The following GABRA2 variants were observed in gnomAD, a reference collection of about 807,000 sequenced individuals.
The protein encoded by GABRA2 is gamma-aminobutyric acid type A receptor subunit alpha2, also known as gamma-aminobutyric acid receptor subunit alpha-2.
In GABRA2, 16 loss-of-function variants were observed where a neutral mutation model predicts 48.7. The ratio of observed to expected loss-of-function variants is 0.33; its 90% CI spans 0.22 to 0.50. The LOEUF (loss-of-function observed/expected upper bound fraction) is 0.50. Among genes scored for constraint, GABRA2 ranks in the 20% least tolerant of loss-of-function variants. GABRA2 has a pLI of 0.98. For synonymous variants in GABRA2, 185 were observed against 184.5 expected, an observed-to-expected ratio of 1.00 and a Z score of -0.02; for missense variants, 275 against 535.6, an observed-to-expected ratio of 0.51 and a Z score of 4.80.
intron 8 of GABRA2, among the ~76,000 whole-genome samples, chr4:46,273,000 C>A (rs776647945): frequency 2.0e-5 from 3 of 151,930 alleles, no homozygotes; most frequent in Admixed American, 6.6e-5. Context: ...CACCCATCAA[C>A]CCATCATCTA....
In GABRA2 at chr4:46,249,048, G is replaced by T. The variant is rs1305889246; in HGVS notation, c.*1260C>A. ...TTTAGCTGTGTATGTGTGTGTGTGT[G>T]TGTGTGTGTGTGTATGTTTGTGCAC... On this transcript the variant is annotated 3_prime_UTR_variant, in exon 10 of 10. Transcript: ENST00000381620. The T allele has an allele frequency of 6.6e-6, 1 of 151,094 alleles. No individual in the cohort carries two copies. Among genetic ancestry groups the T allele is most frequent in the Non-Finnish European group, 1.5e-5 (1 of 67,562 alleles). 9.4% of individuals were successfully genotyped at this position (151,094 alleles called of 1,614,324 possible). A position where few individuals can be genotyped will look rare whatever the true frequency, so the allele number is the denominator to read the frequency against.
chr4:46,369,037 G>A, intron 3 of GABRA2: 4 of 697,930 alleles, frequency 5.7e-6, no homozygotes, highest in South Asian at 3.0e-5. Context: ...TAAAGATGCT[G>A]AGCAAAATAA....
intron 3 of GABRA2, among the ~76,000 whole-genome samples, chr4:46,338,318 T>C (rs1732617100): frequency 6.6e-6 from 1 of 151,922 alleles, no homozygotes; most frequent in South Asian, 2.1e-4. Flanking sequence ...TGATGTTGAA[T>C]CCAGGAAAAC....
chr4:46,334,645 G>A (rs1240250143), intron 3 of GABRA2, among the ~76,000 whole-genome samples: 1 of 152,124 alleles, frequency 6.6e-6, no homozygotes, highest in African/African-American at 2.4e-5. Flanking sequence ...GGGTGAAGGG[G>A]TATCAGTACC....
intron 3 of GABRA2, among the ~76,000 whole-genome samples, chr4:46,335,289 G>A (rs1732028669): frequency 6.6e-6 from 1 of 152,096 alleles, no homozygotes; most frequent in Non-Finnish European, 1.5e-5. Context: ...ATCTGCTCAG[G>A]TTTGTTTTCC....
At chr4:46,315,163 T>C (rs752987097) in intron 4 of GABRA2, among the ~76,000 whole-genome samples, 1 of 151,756 alleles carries the variant, frequency 6.6e-6, no homozygotes, top group Non-Finnish European at 1.5e-5. Context: ...TCTAACTTTT[T>C]AATAATGGCC....
At chr4:46,307,925 C>T (rs772883361) in intron 6 of GABRA2, among the ~76,000 whole-genome samples, 1 of 152,012 alleles carries the variant, frequency 6.6e-6, no homozygotes, top group South Asian at 2.1e-4. Context: ...ACATATAAGC[C>T]GAGAGGTCAT....
At chr4:46,322,691 G>A (rs892368049) in intron 4 of GABRA2, among the ~76,000 whole-genome samples, 1 of 151,892 alleles carries the variant, frequency 6.6e-6, no homozygotes, top group Admixed American at 6.6e-5. Flanking sequence ...TTGGAACATA[G>A]GAAATAAACA....
At chr4:46,277,253 A>G (rs1331950189) in intron 8 of GABRA2, among the ~76,000 whole-genome samples, 4 of 152,090 alleles carry the variant, frequency 2.6e-5, no homozygotes, top group Admixed American at 1.3e-4. Flanking sequence ...CACTTTCCTA[A>G]TTGGCAGTGA....
chr4:46,380,425 A>C (rs972949885), intron 3 of GABRA2, among the ~76,000 whole-genome samples: 7 of 152,208 alleles, frequency 4.6e-5, no homozygotes, highest in African/African-American at 1.7e-4. Context: ...TTTATAAATT[A>C]AATGCGACAT....
At chr4:46,318,393 C>T (rs1348440853) in intron 4 of GABRA2, among the ~76,000 whole-genome samples, 1 of 150,952 alleles carries the variant, frequency 6.6e-6, no homozygotes, top group Non-Finnish European at 1.5e-5. Context: ...GTTTTGTTTT[C>T]TAGACTAAAA....
intron 6 of GABRA2, among the ~76,000 whole-genome samples, chr4:46,307,097 TTA>T (rs748280830): frequency 6.6e-6 from 1 of 152,038 alleles, no homozygotes; most frequent in African/African-American, 2.4e-5. Flanking sequence ...ATATGTATAT[TTA>T]TATATATGTA....
chr4:46,330,413 G>A (rs963843251), intron 4 of GABRA2, among the ~76,000 whole-genome samples: 59 of 152,038 alleles, frequency 3.9e-4, no homozygotes, highest in African/African-American at 1.2e-3. Flanking sequence ...AGGAGAGGTA[G>A]AGAATTAATC....
At chr4:46,339,938 T>C (rs1385176315) in intron 3 of GABRA2, among the ~76,000 whole-genome samples, 2 of 151,842 alleles carry the variant, frequency 1.3e-5, no homozygotes, top group African/African-American at 4.8e-5. Context: ...GTTTTTAAAC[T>C]TATCATGTCT....
chr4:46,282,353 G>A (rs1421925004), intron 8 of GABRA2, among the ~76,000 whole-genome samples: 1 of 152,176 alleles, frequency 6.6e-6, no homozygotes, highest in Non-Finnish European at 1.5e-5. Flanking sequence ...CAAGACCCAA[G>A]AATGGGACTT....
chr4:46,297,495 A>ATATATATATATATATATATC (rs1724959457), intron 8 of GABRA2, among the ~76,000 whole-genome samples: 1 of 37,000 alleles, frequency 2.7e-5, no homozygotes, highest in Non-Finnish European at 6.0e-5. Flanking sequence ...ATATATATAT[A>ATATATATATATATATATATC]TATATATATA....
intron 3 of GABRA2, among the ~76,000 whole-genome samples, chr4:46,332,977 T>A (rs559305860): frequency 6.6e-6 from 1 of 152,120 alleles, no homozygotes; most frequent in African/African-American, 2.4e-5. Flanking sequence ...TTAGGAAACA[T>A]CTTAAGTGAA....
chr4:46,298,925 C>T (rs1390655806), intron 8 of GABRA2, among the ~76,000 whole-genome samples: 2 of 151,226 alleles, frequency 1.3e-5, no homozygotes, highest in African/African-American at 4.9e-5. Flanking sequence ...GGTTTAATTG[C>T]TAAATATAGT....
intron 3 of GABRA2, among the ~76,000 whole-genome samples, chr4:46,385,812 G>C (rs536294612): frequency 1.3e-5 from 2 of 152,162 alleles, no homozygotes; most frequent in Non-Finnish European, 2.9e-5. Flanking sequence ...CTAAGTGTGA[G>C]AAAGTTAATT....
Sources: gnomAD v4.1 joint callset for allele counts (sites outside exome capture counted in the v4.1 genomes callset) on GRCh38, gnomAD v4.1.1 for gene constraint, MANE v1.5 for transcripts, NCBI Gene and HGNC (gene_info 2026-07-23, HGNC 2026-07-21) for gene names.